Variants in CEP63 observed in about 807,000 individuals in gnomAD.
CEP63 encodes the protein centrosomal protein 63.
In CEP63, 84 loss-of-function variants were observed where a neutral mutation model predicts 89.1. The ratio of observed to expected loss-of-function variants is 0.94; its 90% confidence interval spans 0.79 to 1.13. The LOEUF (loss-of-function observed/expected upper bound fraction) is 1.13, where lower values mean the gene tolerates loss of function less well. Among genes scored for constraint, CEP63 ranks in the 50% most tolerant of loss-of-function variants. CEP63 has a pLI of 0.00. For missense variants in CEP63, 838 were observed against 813.3 expected, an observed-to-expected ratio of 1.03 and a Z score of -0.37; for synonymous variants, 267 against 272.5, an observed-to-expected ratio of 0.98 and a Z score of 0.20.
intron 2 of CEP63, among the ~76,000 whole-genome samples, chr3:134,500,406 G>A (rs1158069119): frequency 6.7e-6 from 1 of 149,972 alleles, no homozygotes; most frequent in Non-Finnish European, 1.5e-5. Flanking sequence ...GAACATGTGA[G>A]CGCATGTGTC....
chr3:134,542,281 C>T (rs13087875), intron 6 of CEP63, among the ~76,000 whole-genome samples: 48,375 of 151,958 alleles, frequency 0.32, 7,980 homozygotes, highest in African/African-American at 0.36. Flanking sequence ...CTTTTCCTGT[C>T]ACAACTTTTG....
At chr3:134,748,630 C>T in the CEP63 span, among the ~76,000 whole-genome samples, 1 of 152,094 alleles carries the variant, frequency 6.6e-6, no homozygotes, top group Non-Finnish European at 1.5e-5. Context: ...AACAGTAAAC[C>T]CAACAGTAAA....
the CEP63 span, among the ~76,000 whole-genome samples, chr3:134,626,779 T>C: frequency 6.6e-6 from 1 of 152,198 alleles, no homozygotes; most frequent in Non-Finnish European, 1.5e-5. Flanking sequence ...GTTTCTTGCC[T>C]GGCCACCATG....
chr3:134,562,815 C>T lies in CEP63; in HGVS notation c.*1280C>T, dbSNP rs1473904708. 6.5e-6 allele frequency: 1 copy of T among 152,682 alleles called. No homozygotes were observed. The allele number at this position is 152,682 out of a possible 1,614,324, so 9.5% of individuals were successfully genotyped here. On this transcript the variant is annotated 3_prime_UTR_variant, in exon 15 of 15. Coordinates refer to ENST00000675561, the MANE Select transcript of CEP63 (RefSeq NM_001353108.3). ...GGAACTTCTGGTTTCCTCTCTACCT[C>T]ATCCTCCACTCCATCTCATGGCTTT...
chr3:134,621,476 C>A, the CEP63 span, among the ~76,000 whole-genome samples: 1 of 152,212 alleles, frequency 6.6e-6, no homozygotes, highest in Non-Finnish European at 1.5e-5. Flanking sequence ...AAAGAATAGT[C>A]TCTTTTACAA....
chr3:134,580,497 A>G (rs1958320436), intron 10 of CEP63, among the ~76,000 whole-genome samples: 1 of 147,644 alleles, frequency 6.8e-6, no homozygotes, highest in South Asian at 2.1e-4. Context: ...CAGAAATAAT[A>G]CCAACCATAA....
chr3:134,545,653 A>G lies in CEP63; in HGVS notation c.623A>G (p.His208Arg), dbSNP rs1040361217. 6.2e-7 allele frequency: 1 copy of G among 1,614,186 alleles called. No homozygotes were observed. The highest frequency in any genetic ancestry group is 1.7e-5 in the Admixed American group (1 of 60,016). Reference protein sequence around the residue: ...VELSSQSEIQHLSSKLERAND... With the variant: ...VELSSQSEIQRLSSKLERAND... ...CTTTCTAGCCAATCAGAAATTCAAC[A>G]CTTAAGCAGTAAACTGGAGCGGGCT... The change falls in exon 7 of 15, where the codon CAC becomes CGC. Residue 208 changes from histidine to arginine, a missense_variant. His to Arg is a conservative substitution (Grantham distance 29, BLOSUM62 0). Coordinates refer to ENST00000675561, the MANE Select transcript of CEP63 (RefSeq NM_001353108.3).
chr3:134,775,818 C>T, the CEP63 span, among the ~76,000 whole-genome samples: 1 of 152,174 alleles, frequency 6.6e-6, no homozygotes, highest in Non-Finnish European at 1.5e-5. Context: ...CTTCTCTCTC[C>T]ATCATTCATT....
chr3:134,724,107 C>T, the CEP63 span, among the ~76,000 whole-genome samples: 1,195 of 152,274 alleles, frequency 7.8e-3, 9 homozygotes, highest in African/African-American at 0.027. Context: ...CCCTGGGATG[C>T]GAGTGAAACT....
At chr3:134,641,389 A>G in the CEP63 span, 4 of 152,186 alleles carry the variant, frequency 2.6e-5, no homozygotes, top group African/African-American at 9.7e-5. Flanking sequence ...ATGCGACCAC[A>G]CATATCCTTA....
At chr3:134,555,356 T>C (rs965757448) in intron 12 of CEP63, among the ~76,000 whole-genome samples, 2 of 152,042 alleles carry the variant, frequency 1.3e-5, no homozygotes, top group African/African-American at 4.8e-5. Flanking sequence ...GACGACATGA[T>C]TGTATATCTA....
At chr3:134,777,232 A>G in the CEP63 span, among the ~76,000 whole-genome samples, 2 of 152,168 alleles carry the variant, frequency 1.3e-5, no homozygotes, top group African/African-American at 4.8e-5. Context: ...CTCTCCAATT[A>G]GTTGTGTGAT....
the CEP63 span, among the ~76,000 whole-genome samples, chr3:134,600,056 A>G: frequency 6.6e-6 from 1 of 152,240 alleles, no homozygotes; most frequent in Non-Finnish European, 1.5e-5. Context: ...TCAATTGCCG[A>G]CTACTTACTC....
the CEP63 span, among the ~76,000 whole-genome samples, chr3:134,720,617 C>T: frequency 2.6e-5 from 4 of 152,008 alleles, no homozygotes; most frequent in Admixed American, 6.6e-5. Flanking sequence ...TTTAAGTGAT[C>T]CATTTGATCC....
In CEP63 at chr3:134,507,201, G is replaced by C. The variant is rs746013577; in HGVS notation, c.137G>C (p.Arg46Pro). 4 of 1,613,278 alleles carry C rather than the reference G, an allele frequency of 2.5e-6. No individual in the cohort carries two copies. The highest frequency in any genetic ancestry group is 2.7e-5 in the African/African-American group (2 of 74,846). ...VAHKKSEWEG[R>P]THALETCLKI... ...CATAAAAAATCTGAATGGGAAGGAC[G>C]TACACATGCTCTAGAAACTTGCTTG... is the stretch of plus-strand genomic sequence containing the variant. Residue 46 changes from arginine to proline, a missense_variant, in exon 3 of 15, where the codon CGT (arginine) becomes CCT (proline). Transcript: ENST00000675561.
At chr3:134,512,999 G>T (rs1049014847) in intron 3 of CEP63, among the ~76,000 whole-genome samples, 1 of 152,112 alleles carries the variant, frequency 6.6e-6, no homozygotes, top group Non-Finnish European at 1.5e-5. Flanking sequence ...TCTGACACAG[G>T]TGTAAATCTT....
the CEP63 span, among the ~76,000 whole-genome samples, chr3:134,735,023 A>G: frequency 6.6e-6 from 1 of 152,044 alleles, no homozygotes; most frequent in Non-Finnish European, 1.5e-5. Context: ...CATTTTTTAC[A>G]CTGTGTTGTC....
chr3:134,571,375 C>T (rs985677803), intron 11 of CEP63, among the ~76,000 whole-genome samples: 1 of 152,156 alleles, frequency 6.6e-6, no homozygotes, highest in Non-Finnish European at 1.5e-5. Flanking sequence ...AGAATAATGA[C>T]TAAGTGCATA....
At chr3:134,574,608 T>A (rs1042736183) in intron 11 of CEP63, among the ~76,000 whole-genome samples, 7 of 152,150 alleles carry the variant, frequency 4.6e-5, no homozygotes, top group Non-Finnish European at 1.0e-4. Flanking sequence ...ATAATATTGC[T>A]AAGATTTTGT....
Sources: allele counts gnomAD v4.1 joint callset (sites outside exome capture counted in the v4.1 genomes callset), GRCh38; gene constraint gnomAD v4.1.1; transcripts MANE v1.5; gene names NCBI Gene and HGNC (gene_info 2026-07-23, HGNC 2026-07-21).